Variants in MCPH1 observed in about 807,000 individuals in gnomAD.
MCPH1 encodes microcephalin 1.
Under a neutral mutation model 84.5 loss-of-function variants are expected in MCPH1, and 104 were observed. The ratio of observed to expected loss-of-function variants is 1.23; its 90% CI spans 1.05 to 1.45. The LOEUF is 1.45. MCPH1 is among the 40% of genes most tolerant of loss of function. The pLI, the probability that MCPH1 is intolerant of heterozygous loss-of-function variation, is 0.00. For missense variants in MCPH1, 1,498 were observed against 1,005.7 expected (o/e 1.49, Z -6.62); for synonymous variants, 514 against 366.8 (o/e 1.40, Z -4.58).
rs1563305052 is a variant in MCPH1 at position 6,505,238 on chromosome 8, G to GC, written c.2214+5309_2214+5310insC. Among the ~76,000 whole-genome samples, 2 of 5,006 alleles carry GC rather than the reference G, an allele frequency of 4.0e-4. 1 individual carries two copies. The highest frequency in any genetic ancestry group is 9.4e-4 in the Non-Finnish European group (2 of 2,138). The allele number at this position is 5,006 out of a possible 152,430, so 3.3% of individuals were successfully genotyped here. A position where few individuals can be genotyped will look rare whatever the true frequency, so the allele number is the denominator to read the frequency against. On this transcript the variant is annotated intron_variant, in intron 12 of 13. Transcript: ENST00000344683. ...ATATATATATTCTTATGTATATATA[G>GC]AATATATATTCTTTATATATGTTTT...
At chr8:6,474,900 C>A (rs1035872481) in intron 9 of MCPH1, among the ~76,000 whole-genome samples, 1 of 152,086 alleles carries the variant, frequency 6.6e-6, no homozygotes, top group African/African-American at 2.4e-5. Flanking sequence ...TTTATTAAAC[C>A]CCAAATATTC....
At chr8:6,447,292 A>G in intron 8 of MCPH1, 1 of 985,390 alleles carries the variant, frequency 1.0e-6, no homozygotes. Flanking sequence ...CTTCAGTTTC[A>G]ATGTCAGGGA....
chr8:6,505,275 T>TATA (rs1225783702), intron 12 of MCPH1, among the ~76,000 whole-genome samples: 410 of 26,982 alleles, frequency 0.015, 81 homozygotes, highest in African/African-American at 0.068. Flanking sequence ...TATATATGTA[T>TATA]ACATATATAT....
At chr8:6,541,050 GTGTCCCGAGGCAGCT>G (rs1821464970) in intron 12 of MCPH1, among the ~76,000 whole-genome samples, 1 of 152,106 alleles carries the variant, frequency 6.6e-6, no homozygotes, top group African/African-American at 2.4e-5. Flanking sequence ...GCTCTCATGG[GTGTCCCGAGGCAGCT>G]TGGAGCCAAC....
chr8:6,471,513 A>G (rs1311129447), intron 9 of MCPH1, among the ~76,000 whole-genome samples: 1 of 152,206 alleles, frequency 6.6e-6, no homozygotes, highest in Non-Finnish European at 1.5e-5. Flanking sequence ...AATTGTTAGG[A>G]GATACAGGCA....
chr8:6,593,273 G>T (rs1828660806), intron 12 of MCPH1, among the ~76,000 whole-genome samples: 1 of 150,484 alleles, frequency 6.6e-6, no homozygotes. Context: ...AATAGAGATG[G>T]GATTTCTCCA....
In MCPH1 at chr8:6,646,584, A is replaced by G. The variant is rs1200914436; in HGVS notation, c.*3535A>G. ...ATCCTTACCTCACACCATGCACAAA[A>G]ATTAGCTCAACGTGGACTATATCAG... is the stretch of plus-strand genomic sequence containing the variant. On this transcript the variant is annotated 3_prime_UTR_variant, in exon 14 of 14. Transcript: ENST00000344683. 2 of 152,218 alleles carry G rather than the reference A, an allele frequency of 1.3e-5. No individual in the cohort carries two copies. Among genetic ancestry groups the G allele is most frequent in the Non-Finnish European group, 2.9e-5 (2 of 68,044 alleles). 9.4% of individuals were successfully genotyped at this position (152,218 alleles called of 1,614,324 possible). A position where few individuals can be genotyped will look rare whatever the true frequency, so the allele number is the denominator to read the frequency against.
intron 12 of MCPH1, among the ~76,000 whole-genome samples, chr8:6,506,382 C>T (rs926138563): frequency 1.3e-5 from 2 of 152,066 alleles, no homozygotes; most frequent in African/African-American, 4.8e-5. Context: ...TTTCCTCTCC[C>T]CAGTCTCTTT....
At chr8:6,430,991 A>C (rs1368132766) in intron 3 of MCPH1, among the ~76,000 whole-genome samples, 3 of 152,110 alleles carry the variant, frequency 2.0e-5, no homozygotes, top group African/African-American at 7.2e-5. Flanking sequence ...CAGGAGGAGG[A>C]GGCTTGGCAA....
At chr8:6,502,851 G>A in intron 12 of MCPH1, 1 of 456,164 alleles carries the variant, frequency 2.2e-6, no homozygotes, top group Non-Finnish European at 3.9e-6. Flanking sequence ...TCAGCCTCGG[G>A]TTCATCTTTG....
chr8:6,534,602 G>A (rs1457879879), intron 12 of MCPH1, among the ~76,000 whole-genome samples: 2 of 152,190 alleles, frequency 1.3e-5, no homozygotes, highest in Non-Finnish European at 2.9e-5. Flanking sequence ...CCAAAACAGA[G>A]TAGACCACTA....
intron 11 of MCPH1, among the ~76,000 whole-genome samples, chr8:6,484,376 G>GA (rs60127657): frequency 0.14 from 20,798 of 152,200 alleles, 1,591 homozygotes; most frequent in Middle Eastern, 0.26. Context: ...ATGGCTAAAA[G>GA]AAAAAATAAC....
chr8:6,599,184 G>T (rs1308034527), intron 12 of MCPH1, among the ~76,000 whole-genome samples: 1 of 152,166 alleles, frequency 6.6e-6, no homozygotes, highest in Non-Finnish European at 1.5e-5. Flanking sequence ...AAGAAGCCTT[G>T]ATGTTGTTAC....
intron 3 of MCPH1, among the ~76,000 whole-genome samples, chr8:6,422,209 A>G (rs1800305818): frequency 6.6e-6 from 1 of 152,232 alleles, no homozygotes; most frequent in South Asian, 2.1e-4. Context: ...TTGTGTTTCT[A>G]GTAAGTCTAA....
intron 3 of MCPH1, among the ~76,000 whole-genome samples, chr8:6,418,300 ATGCCCAGATTCTTTTG>A (rs1251603202): frequency 6.6e-6 from 1 of 152,272 alleles, no homozygotes; most frequent in African/African-American, 2.4e-5. Flanking sequence ...AAAAGTGGTG[ATGCCCAGATTCTTTTG>A]CTTCCTTTTA....
intron 12 of MCPH1, among the ~76,000 whole-genome samples, chr8:6,527,838 C>G (rs1818634168): frequency 6.6e-6 from 1 of 151,596 alleles, no homozygotes; most frequent in African/African-American, 2.4e-5. Context: ...TCAGAAAAGG[C>G]TCAATGTCTT....
At chr8:6,599,201 AC>A (rs1829171669) in intron 12 of MCPH1, among the ~76,000 whole-genome samples, 2 of 152,160 alleles carry the variant, frequency 1.3e-5, no homozygotes, top group African/African-American at 4.8e-5. Flanking sequence ...TTACGTGATT[AC>A]CTAAAAGGAA....
chr8:6,579,011 G>A (rs1290449348), intron 12 of MCPH1, among the ~76,000 whole-genome samples: 1 of 152,172 alleles, frequency 6.6e-6, no homozygotes, highest in Non-Finnish European at 1.5e-5. Flanking sequence ...TCTGGTCTGG[G>A]GATATTTCAA....
At chr8:6,453,836 A>C (rs1805375613) in intron 8 of MCPH1, among the ~76,000 whole-genome samples, 1 of 152,206 alleles carries the variant, frequency 6.6e-6, no homozygotes. Flanking sequence ...GGGATCAGTC[A>C]GGATGTGACT....
Sources: allele counts gnomAD v4.1 joint callset (sites outside exome capture counted in the v4.1 genomes callset), GRCh38; gene constraint gnomAD v4.1.1; transcripts MANE v1.5; gene names NCBI Gene and HGNC (gene_info 2026-07-23, HGNC 2026-07-21).